GNG2: variants seen among roughly 807,000 people sequenced by gnomAD.
The protein encoded by GNG2 is G protein subunit gamma 2.
A neutral mutation model predicts 5.5 loss-of-function variants in GNG2; 5 were observed. That is an observed-to-expected ratio of 0.91 (90% CI 0.48 to 1.92). The LOEUF is 1.92. Ranked by LOEUF, GNG2 falls within the 30% of genes most tolerant of loss-of-function variation. The pLI is 0.01. For missense variants in GNG2, 55 were observed against 88.4 expected (o/e 0.62, Z 1.52); for synonymous variants, 28 against 32.0 (o/e 0.88, Z 0.42).
At chr14:51,926,739 T>C (rs1887351728) in intron 2 of GNG2, among the ~76,000 whole-genome samples, 1 of 152,224 alleles carries the variant, frequency 6.6e-6, no homozygotes, top group Non-Finnish European at 1.5e-5. Context: ...TTAGCAGGAC[T>C]GTGGCTTTGC....
At position 51,937,621 on chromosome 14, in the gene GNG2, TA is replaced by T. The variant is rs1448780560; in HGVS notation, c.-29-13027del. On this transcript the variant is annotated intron_variant, in intron 2 of 3. Coordinates refer to ENST00000556766, the MANE Select transcript of GNG2 (RefSeq NM_053064.5). Reference sequence around the variant, plus strand: ...TGTATTTCTTTACAAAAGAAATACATAATTTTTTTTTTTTTTTATTATACTC... The same window carrying T: ...TGTATTTCTTTACAAAAGAAATACATATTTTTTTTTTTTTTTATTATACTC... 5.7e-5 allele frequency among the ~76,000 whole-genome samples: 2 copies of T among 35,214 alleles called. 1 individual carries two copies. Among genetic ancestry groups the T allele is most frequent in the African/African-American group, 2.4e-4 (2 of 8,494 alleles). 23.1% of individuals were successfully genotyped at this position (35,214 alleles called of 152,430 possible). A position where few individuals can be genotyped will look rare whatever the true frequency, so the allele number is the denominator to read the frequency against.
At chr14:51,892,042 G>A (rs1456995975) in intron 2 of GNG2, among the ~76,000 whole-genome samples, 1 of 152,176 alleles carries the variant, frequency 6.6e-6, no homozygotes, top group South Asian at 2.1e-4. Context: ...CAGTATAAGA[G>A]TTCCTCTTGC....
intron 2 of GNG2, among the ~76,000 whole-genome samples, chr14:51,855,310 C>A (rs1414727929): frequency 6.6e-6 from 1 of 152,286 alleles, no homozygotes; most frequent in South Asian, 2.1e-4. Flanking sequence ...CAGAGACTGG[C>A]ATTTTTCATT....
intron 2 of GNG2, among the ~76,000 whole-genome samples, chr14:51,927,568 T>C (rs1258284590): frequency 6.6e-6 from 1 of 152,238 alleles, no homozygotes; most frequent in Non-Finnish European, 1.5e-5. Flanking sequence ...ATGTTGAAAT[T>C]CCCTATTTAT....
rs570230233 is a variant in GNG2 at position 51,947,043 on chromosome 14, G to A, written c.-29-3607G>A. Reference sequence around the variant, plus strand: ...AGGGTGTAGCTGCCTAAAACTAGGAGCACAAAACAAAGCCTAGGTTTACTT... The same window carrying A: ...AGGGTGTAGCTGCCTAAAACTAGGAACACAAAACAAAGCCTAGGTTTACTT... On this transcript the variant is annotated intron_variant, in intron 2 of 3. Coordinates refer to ENST00000556766, the MANE Select transcript of GNG2 (RefSeq NM_053064.5). Among the ~76,000 whole-genome samples the A allele has an allele frequency of 4.9e-4, 75 of 152,316 alleles. 2 individuals carry two copies. The South Asian group carries it at 0.015, about 31-fold the overall frequency.
intron 3 of GNG2, chr14:51,952,086 A>G: frequency 1.7e-6 from 1 of 596,602 alleles, no homozygotes; most frequent in Non-Finnish European, 3.0e-6. Context: ...CAAGGTTGAG[A>G]ACCACTGTCC....
intron 2 of GNG2, among the ~76,000 whole-genome samples, chr14:51,897,679 G>C (rs1392545197): frequency 6.6e-6 from 1 of 152,136 alleles, no homozygotes; most frequent in Non-Finnish European, 1.5e-5. Flanking sequence ...AAGTAGTGTA[G>C]GGTCCCTTCT....
chr14:51,895,243 A>T (rs113090923), intron 2 of GNG2, among the ~76,000 whole-genome samples: 7 of 152,344 alleles, frequency 4.6e-5, no homozygotes, highest in African/African-American at 1.7e-4. Flanking sequence ...AAAAAATTGG[A>T]TAGCTTAAAT....
chr14:51,836,111 C>T (rs12896085), intron 2 of GNG2, among the ~76,000 whole-genome samples: 75,274 of 150,986 alleles, frequency 0.5, 19,359 homozygotes, highest in Middle Eastern at 0.57. Context: ...AGGCTGTCTT[C>T]TCATTGTACC....
At chr14:51,880,351 T>A (rs1465671532) in intron 2 of GNG2, among the ~76,000 whole-genome samples, 1 of 152,214 alleles carries the variant, frequency 6.6e-6, no homozygotes. Flanking sequence ...ATGTGGAAAT[T>A]GGAGGAAAAA....
At chr14:51,895,697 C>T (rs1477592529) in intron 2 of GNG2, among the ~76,000 whole-genome samples, 2 of 152,204 alleles carry the variant, frequency 1.3e-5, no homozygotes, top group Non-Finnish European at 2.9e-5. Flanking sequence ...TCACATATCC[C>T]ACTGATATGG....
rs551020675 is a variant in GNG2, at chr14:51,933,426, A to G, written c.-29-17224A>G. On this transcript the variant is annotated intron_variant, in intron 2 of 3. Coordinates refer to ENST00000556766, the MANE Select transcript of GNG2 (RefSeq NM_053064.5). ...GATAGGCAACTCTTTCAAGTTGTCTATAAAGGAAAGCAGAAAAATAGGATA... is the reference window on the plus strand; with the variant it reads ...GATAGGCAACTCTTTCAAGTTGTCTGTAAAGGAAAGCAGAAAAATAGGATA... 2.6e-5 allele frequency among the ~76,000 whole-genome samples: 4 copies of G among 152,370 alleles called. No individual in the cohort carries two copies. In the South Asian group the frequency reaches 8.3e-4, roughly 32 times the overall value.
At chr14:51,861,629 A>AT (rs1882488824) in intron 1 of GNG2, among the ~76,000 whole-genome samples, 1 of 152,190 alleles carries the variant, frequency 6.6e-6, no homozygotes, top group Non-Finnish European at 1.5e-5. Context: ...CCAGAACATG[A>AT]TTTTTATTCT....
In GNG2 at chr14:51,830,968, A is replaced by G. The variant is rs377147025; in HGVS notation, c.64+3161A>G. ...TGTTTCTCCACCCTATTTGTCTCCAACCTTCTGTCCTGCCTCTCTCTCCTT... is the reference window on the plus strand; with the variant it reads ...TGTTTCTCCACCCTATTTGTCTCCAGCCTTCTGTCCTGCCTCTCTCTCCTT... On this transcript the variant is annotated intron_variant, in intron 2 of 3. Transcript: ENST00000553432. Among the ~76,000 whole-genome samples the G allele has an allele frequency of 5.4e-4, 82 of 152,274 alleles. No individual in the cohort carries two copies. In the East Asian group the frequency reaches 0.013, roughly 23 times the overall value.
intron 1 of GNG2, among the ~76,000 whole-genome samples, chr14:51,827,017 G>A (rs1407397684): frequency 1.3e-5 from 2 of 152,168 alleles, no homozygotes; most frequent in Admixed American, 6.5e-5. Flanking sequence ...GGTGAGAGGT[G>A]TAGTTCAGGT....
Position 51,872,124 on chromosome 14 carries a change from A to G in GNG2, c.-70-5493A>G, listed in dbSNP as rs190870094. Among the ~76,000 whole-genome samples, 24 of 152,360 alleles carry G rather than the reference A, an allele frequency of 1.6e-4. 1 individual carries two copies. The East Asian group carries it at 4.0e-3, about 26-fold the overall frequency. On this transcript the variant is annotated intron_variant, in intron 1 of 3. Coordinates refer to ENST00000556766, the MANE Select transcript of GNG2 (RefSeq NM_053064.5). ...GAGCATCTCTGCTAAACCGCAGTGG[A>G]CATGGAGAGAAAGTGAGAGATAAGC...
intron 3 of GNG2, among the ~76,000 whole-genome samples, chr14:51,953,411 A>G (rs1289423483): frequency 6.6e-6 from 1 of 152,212 alleles, no homozygotes; most frequent in Non-Finnish European, 1.5e-5. Context: ...TCCAAGAAGC[A>G]TAGTTACCAA....
At chr14:51,907,621 A>T (rs1054278043) in intron 2 of GNG2, among the ~76,000 whole-genome samples, 1 of 152,218 alleles carries the variant, frequency 6.6e-6, no homozygotes, top group African/African-American at 2.4e-5. Context: ...AATTTGAACC[A>T]CTGCCTGTCT....
intron 2 of GNG2, among the ~76,000 whole-genome samples, chr14:51,853,086 G>A (rs562941037): frequency 6.6e-6 from 1 of 152,156 alleles, no homozygotes; most frequent in East Asian, 1.9e-4. Flanking sequence ...CTTAGTAGTT[G>A]TTCACTCATT....
Sources: allele counts gnomAD v4.1 joint callset (sites outside exome capture counted in the v4.1 genomes callset), GRCh38; gene constraint gnomAD v4.1.1; transcripts MANE v1.5; gene names NCBI Gene and HGNC (gene_info 2026-07-23, HGNC 2026-07-21).